The following SSH2 variants were observed in gnomAD, a reference collection of about 807,000 sequenced individuals.
SSH2 encodes protein phosphatase Slingshot homolog 2.
SSH2 carries 37 observed loss-of-function variants against 135.2 expected under a neutral mutation model. That is an observed-to-expected ratio of 0.27 (90% CI 0.21 to 0.36). The LOEUF (loss-of-function observed/expected upper bound fraction) is 0.36, where lower values mean the gene tolerates loss of function less well. Ranked by LOEUF, SSH2 falls within the 10% of genes least tolerant of loss-of-function variation. The probability of loss-of-function intolerance (pLI) is 1.00; values close to 1 mark genes in which losing one functional copy is unlikely to be tolerated. For synonymous variants in SSH2, 628 were observed against 646.2 expected, an observed-to-expected ratio of 0.97 and a Z score of 0.43; for missense variants, 1,408 against 1,765.3, an observed-to-expected ratio of 0.80 and a Z score of 3.63.
chr17:29,808,278 G>A (rs1424134720), intron 2 of SSH2, among the ~76,000 whole-genome samples: 2 of 152,136 alleles, frequency 1.3e-5, no homozygotes, highest in African/African-American at 4.8e-5. Context: ...ACAGGCGCCC[G>A]CCATCACGCC....
At chr17:29,801,723 C>T (rs1255581362) in intron 2 of SSH2, among the ~76,000 whole-genome samples, 1 of 152,180 alleles carries the variant, frequency 6.6e-6, no homozygotes, top group Non-Finnish European at 1.5e-5. Context: ...GCCTCATTGC[C>T]CTTTGCATCT....
intron 1 of SSH2, among the ~76,000 whole-genome samples, chr17:29,916,896 G>C (rs910661708): frequency 5.9e-5 from 9 of 151,866 alleles, no homozygotes; most frequent in Non-Finnish European, 1.3e-4. Flanking sequence ...AATTCCTACT[G>C]TTTCTATTTG....
intron 2 of SSH2, among the ~76,000 whole-genome samples, chr17:29,801,040 T>C (rs1323450623): frequency 6.6e-6 from 1 of 151,850 alleles, no homozygotes; most frequent in African/African-American, 2.4e-5. Flanking sequence ...AATTTTTGTA[T>C]TTTTAGTAGA....
At chr17:29,918,899 T>G (rs2066927179) in intron 1 of SSH2, among the ~76,000 whole-genome samples, 1 of 151,830 alleles carries the variant, frequency 6.6e-6, no homozygotes, top group Non-Finnish European at 1.5e-5. Flanking sequence ...ATCGTGCCAC[T>G]GCACTCCAGC....
intron 2 of SSH2, among the ~76,000 whole-genome samples, chr17:29,841,954 G>C (rs1026000363): frequency 1.6e-5 from 2 of 122,358 alleles, no homozygotes; most frequent in African/African-American, 6.4e-5. Context: ...GGCTGGTCTT[G>C]AATTCCTGAG....
chr17:29,777,680 C>T (rs1005170971), intron 3 of SSH2: 1 of 161,010 alleles, frequency 6.2e-6, no homozygotes, highest in Non-Finnish European at 1.4e-5. Context: ...CAAACAGCAG[C>T]CTCCTTGGTG....
intron 3 of SSH2, among the ~76,000 whole-genome samples, chr17:29,770,107 T>TTG (rs1567963176): frequency 2.7e-5 from 4 of 148,490 alleles, no homozygotes; most frequent in South Asian, 2.1e-4. Flanking sequence ...TTTTTTTTTT[T>TTG]TTTTTTTTTT....
At position 29,822,196 on chromosome 17, in the gene SSH2, T is replaced by C. The variant is rs142919561; in HGVS notation, c.144+26653A>G. ...TTCAGCATCTCCAGTGATAAGTGAC[T>C]TACCAGGTCACCTGAGACTGGCATT... On this transcript the variant is annotated intron_variant, in intron 2 of 15. Transcript: ENST00000540801. Among the ~76,000 whole-genome samples, 122 of 152,320 alleles carry C rather than the reference T, an allele frequency of 8.0e-4. 3 individuals carry two copies. The East Asian group carries it at 0.02, about 25-fold the overall frequency.
At chr17:29,658,894 T>TAAAAAAAAAAAAAAAAAAAAAAAAA (rs2036904928) in intron 11 of SSH2, among the ~76,000 whole-genome samples, 1 of 128,402 alleles carries the variant, frequency 7.8e-6, no homozygotes. Flanking sequence ...AAAAAAAAAG[T>TAAAAAAAAAAAAAAAAAAAAAAAAA]AAACTAAGAG....
intron 3 of SSH2, among the ~76,000 whole-genome samples, chr17:29,752,347 A>C (rs2040971590): frequency 6.6e-6 from 1 of 152,202 alleles, no homozygotes. Context: ...ACATGAACAG[A>C]ACTTAAGAGT....
chr17:29,761,151 G>A lies in SSH2; in HGVS notation c.188+32743C>T. 2.3e-6 allele frequency: 3 copies of A among 1,289,250 alleles called. No individual in the cohort carries two copies. The South Asian group carries it at 3.7e-5, about 16-fold the overall frequency. 79.9% of individuals were successfully genotyped at this position (1,289,250 alleles called of 1,614,324 possible). On this transcript the variant is annotated intron_variant, in intron 3 of 15. Coordinates refer to ENST00000540801, the MANE Select transcript of SSH2 (RefSeq NM_001282129.2). ...GCGGAGGGCGCGCGGCGGACTCACA[G>A]CTGGTTGATGGCGTTCTGCGAGATG...
chr17:29,855,176 T>C (rs16965255), intron 1 of SSH2, among the ~76,000 whole-genome samples: 9,521 of 151,872 alleles, frequency 0.063, 565 homozygotes, highest in African/African-American at 0.16. Flanking sequence ...ACATTGCAGG[T>C]GTACTTAAAA....
At chr17:29,848,797 T>C in intron 2 of SSH2, 52 bp downstream of exon 2, 2 of 1,214,366 alleles carry the variant, frequency 1.6e-6, no homozygotes, top group Non-Finnish European at 2.3e-6. Flanking sequence ...ATTTACCCAA[T>C]AAGATTTTAC....
At chr17:29,761,342 G>C in intron 3 of SSH2, 1 of 1,091,238 alleles carries the variant, frequency 9.2e-7, no homozygotes, top group African/African-American at 1.7e-5. Flanking sequence ...CGAGGCGCAG[G>C]CTGCGCGTGC....
intron 3 of SSH2, among the ~76,000 whole-genome samples, chr17:29,791,890 C>T (rs2042071574): frequency 6.7e-6 from 1 of 149,552 alleles, no homozygotes; most frequent in Non-Finnish European, 1.5e-5. Flanking sequence ...AACTTAAAAA[C>T]AGGTCTTTAT....
chr17:29,784,124 T>C (rs2041906002), intron 3 of SSH2, among the ~76,000 whole-genome samples: 1 of 136,058 alleles, frequency 7.3e-6, no homozygotes, highest in African/African-American at 2.8e-5. Context: ...CGGTGGCTCA[T>C]GCCTGCAATC....
At chr17:29,680,683 C>T (rs1385485844) in intron 6 of SSH2, among the ~76,000 whole-genome samples, 2 of 151,204 alleles carry the variant, frequency 1.3e-5, no homozygotes, top group African/African-American at 4.9e-5. Context: ...TGCCAGAGTC[C>T]AGGAGCAAGA....
At chr17:29,789,571 C>A (rs1355364003) in intron 3 of SSH2, among the ~76,000 whole-genome samples, 1 of 152,164 alleles carries the variant, frequency 6.6e-6, no homozygotes, top group East Asian at 1.9e-4. Flanking sequence ...CTCATCACAC[C>A]CACCATGGGT....
Position 29,631,862 on chromosome 17 carries a change from G to C in SSH2, c.3332C>G (p.Pro1111Arg). Residue 1111 changes from proline (P) to arginine (R), a missense_variant, in exon 16 of 16, where the codon CCT becomes CGT. By Grantham distance (103) the Pro-to-Arg change is moderately radical. This residue lies in a region of SSH2 where 1,080 missense variants were observed against 1,144.5 expected (regional missense o/e 0.94). Coordinates refer to ENST00000540801, the MANE Select transcript of SSH2 (RefSeq NM_001282129.2). Reference sequence around the variant, plus strand: ...ATGGTCAGTGGGTCTGTTGTGCTCAGGGGAGGAAGAATGAGGCAGAGGTAG... The same window carrying C: ...ATGGTCAGTGGGTCTGTTGTGCTCACGGGAGGAAGAATGAGGCAGAGGTAG... ...QVLPLPHSSS[P>R]EHNRPTDHPT... The C allele has an allele frequency of 6.2e-7, 1 of 1,614,248 alleles. No homozygotes were observed. Among genetic ancestry groups the C allele is most frequent in the Non-Finnish European group, 8.5e-7 (1 of 1,180,052 alleles).
Sources: allele counts gnomAD v4.1 joint callset (sites outside exome capture counted in the v4.1 genomes callset), GRCh38; gene constraint gnomAD v4.1.1; regional missense constraint gnomAD v4.1.1; transcripts MANE v1.5; gene names NCBI Gene and HGNC (gene_info 2026-07-23, HGNC 2026-07-21).